The following MYBL1 variants were observed in gnomAD, a reference collection of about 807,000 sequenced individuals.
MYBL1 encodes MYB proto-oncogene like 1, also known as myb-related protein A.
Under a neutral mutation model 96.3 loss-of-function variants are expected in MYBL1, and 17 were observed. That is an observed-to-expected ratio of 0.18 (90% CI 0.12 to 0.26). The LOEUF (loss-of-function observed/expected upper bound fraction) is 0.26, where lower values mean the gene tolerates loss of function less well. Ranked by LOEUF, MYBL1 falls within the 10% of genes least tolerant of loss-of-function variation. The pLI is 1.00. For missense variants in MYBL1, 701 were observed against 882.9 expected (o/e 0.79, Z 2.61); for synonymous variants, 282 against 292.7 (o/e 0.96, Z 0.37).
At position 66,602,258 on chromosome 8, in the gene MYBL1, C is replaced by T. The variant is rs1176569792; in HGVS notation, c.126+160G>A. 3.3e-5 allele frequency among the ~76,000 whole-genome samples: 5 copies of T among 152,116 alleles called. No homozygotes were observed. In the East Asian group the frequency reaches 9.7e-4, roughly 29 times the overall value. On this transcript the variant is annotated intron_variant, in intron 2 of 15. Transcript: ENST00000522677. ...TAGAGACGGGGTTTCATCATGTTGG[C>T]CAGGCTGGTCTTGAACTCCTAACCT...
At position 66,597,362 on chromosome 8, in the gene MYBL1, A is replaced by G. The variant is rs374104244; in HGVS notation, c.480T>C (p.Arg160=). The G allele has an allele frequency of 7.3e-5, 118 of 1,607,768 alleles. No individual in the cohort carries two copies. Among genetic ancestry groups the G allele is most frequent in the Non-Finnish European group, 9.4e-5 (111 of 1,176,986 alleles). The change falls in exon 5 of 16, where the codon CGT becomes CGC. Residue 160 remains arginine, a synonymous_variant. Transcript: ENST00000522677. ...IYEAHKRLGN[R]WAEIAKLLPG... is the part of the protein sequence containing the mutation. ...GAAGTAGTTTGGCAATTTCTGCCCA[A>G]CGATTTCCCAACCGCTTATGTGCTT...
At chr8:66,577,166 A>C (rs1808990932) in intron 9 of MYBL1, among the ~76,000 whole-genome samples, 1 of 151,472 alleles carries the variant, frequency 6.6e-6, no homozygotes, top group Non-Finnish European at 1.5e-5. Context: ...GAAAACTGGC[A>C]CAAGACAGGG....
intron 1 of MYBL1, among the ~76,000 whole-genome samples, chr8:66,611,378 A>T (rs979139075): frequency 6.6e-6 from 1 of 152,226 alleles, no homozygotes; most frequent in Admixed American, 6.5e-5. Flanking sequence ...AGAGCTTTAA[A>T]TATCTATCTT....
At chr8:66,594,195 G>A (rs1318055437) in intron 6 of MYBL1, among the ~76,000 whole-genome samples, 1 of 151,492 alleles carries the variant, frequency 6.6e-6, no homozygotes. Context: ...TCTGCTTTCC[G>A]TAATGGTCTA....
chr8:66,580,202 C>G lies in MYBL1; in HGVS notation c.1032G>C (p.Glu344Asp). 1 of 1,613,962 alleles carries G rather than the reference C, an allele frequency of 6.2e-7. No homozygotes were observed. Among genetic ancestry groups the G allele is most frequent in the Non-Finnish European group, 8.5e-7 (1 of 1,179,884 alleles). Residue 344 changes from glutamate (E) to aspartate (D), a missense_variant, in exon 9 of 16, where the codon GAG becomes GAC. Around this residue, in one of 5 missense-constraint regions of MYBL1, gnomAD observed 396 missense variants for 407.4 expected, o/e 0.97. Coordinates refer to ENST00000522677, the MANE Select transcript of MYBL1 (RefSeq NM_001080416.4). ...GCAAAGAGGATAACACAGCGTTTGC[C>G]TCCACGGCCAGGAACTTTGTGGGTG... ...QNSPTKFLAV[E>D]ANAVLSSLQT...
At chr8:66,591,127 T>A (rs1809623675) in intron 8 of MYBL1, among the ~76,000 whole-genome samples, 2 of 152,108 alleles carry the variant, frequency 1.3e-5, no homozygotes, top group South Asian at 4.1e-4. Context: ...GGCAGGAGGA[T>A]CACGAGGTCA....
intron 12 of MYBL1, among the ~76,000 whole-genome samples, chr8:66,570,678 G>A (rs1325006362): frequency 6.6e-6 from 1 of 152,100 alleles, no homozygotes; most frequent in Non-Finnish European, 1.5e-5. Flanking sequence ...AATATTTGCT[G>A]AATTAATGAT....
chr8:66,599,156 G>A lies in MYBL1; in HGVS notation c.199-14C>T, dbSNP rs749977747. On this transcript the variant is annotated splice_polypyrimidine_tract_variant and intron_variant, in intron 3 of 15. Transcript: ENST00000522677. ...ATCAGAGCGATTCTGAAAAAATTTA[G>A]AAGATTTTGTTATTAAACAACTGTC... 8 of 1,547,352 alleles carry A rather than the reference G, an allele frequency of 5.2e-6. No individual in the cohort carries two copies. The African/African-American group carries it at 8.3e-5, about 16-fold the overall frequency.
At position 66,566,898 on chromosome 8, in the gene MYBL1, G is replaced by C; in HGVS notation, c.1823C>G (p.Ala608Gly). The C allele has an allele frequency of 6.2e-7, 1 of 1,612,004 alleles. No individual in the cohort carries two copies. The highest frequency in any genetic ancestry group is 8.5e-7 in the Non-Finnish European group (1 of 1,178,600). The change falls in exon 13 of 16, where the codon GCT becomes GGT. Residue 608 changes from alanine (A) to glycine (G), a missense_variant. Around this residue, in one of 5 missense-constraint regions of MYBL1, gnomAD observed 63 missense variants for 109.2 expected, o/e 0.58. Coordinates refer to ENST00000522677, the MANE Select transcript of MYBL1 (RefSeq NM_001080416.4). ...DLFLKEEDEP[A>G]YKSCKQENTA... ...TACCTCTTGTTTGCAGCTTTTGTAA[G>C]CAGGTTCATCTTCCTCTTTGAGGAA...
chr8:66,597,174 G>A (rs1446814137), intron 5 of MYBL1, among the ~76,000 whole-genome samples, 156 bp downstream of exon 5: 1 of 151,978 alleles, frequency 6.6e-6, no homozygotes, highest in Non-Finnish European at 1.5e-5. Context: ...ACAGAATTTA[G>A]TACAAATGGT....
At chr8:66,573,105 T>C (rs1250876001) in intron 11 of MYBL1, among the ~76,000 whole-genome samples, 2 of 151,920 alleles carry the variant, frequency 1.3e-5, no homozygotes, top group African/African-American at 4.8e-5. Context: ...TCCCAGCTAC[T>C]CGGGTGGCTG....
intron 11 of MYBL1, 72 bp downstream of exon 11, chr8:66,573,292 G>T: frequency 7.5e-7 from 1 of 1,324,950 alleles, no homozygotes; most frequent in Non-Finnish European, 1.0e-6. Flanking sequence ...CTATTTATAT[G>T]CACAAAAAGC....
At chr8:66,568,160 C>T (rs1184992245) in intron 12 of MYBL1, among the ~76,000 whole-genome samples, 1 of 151,870 alleles carries the variant, frequency 6.6e-6, no homozygotes, top group African/African-American at 2.4e-5. Flanking sequence ...TGAGATTTCA[C>T]AGCACTTACA....
chr8:66,610,710 C>A (rs1207900314), intron 1 of MYBL1, among the ~76,000 whole-genome samples: 1 of 152,064 alleles, frequency 6.6e-6, no homozygotes, highest in African/African-American at 2.4e-5. Flanking sequence ...AGCACAAAAG[C>A]AGAGCATCTA....
In MYBL1 at chr8:66,613,017, CGA is replaced by C. The variant is rs1411687782; in HGVS notation, c.-181_-180del. 3 of 631,030 alleles carry C rather than the reference CGA, an allele frequency of 4.8e-6. No homozygotes were observed. The highest frequency in any genetic ancestry group is 6.8e-5 in the East Asian group (2 of 29,198). The allele number at this position is 631,030 out of a possible 1,614,324, so 39.1% of individuals were successfully genotyped here. On this transcript the variant is annotated 5_prime_UTR_variant, in exon 1 of 16. Transcript: ENST00000522677. Reference sequence around the variant, plus strand: ...ACGGAGGGACAGCGGGGGCGGACCGCGACCCGACCCCGACCCCGGCCCGCAGC... The same window carrying C: ...ACGGAGGGACAGCGGGGGCGGACCGCCCCGACCCCGACCCCGGCCCGCAGC...
chr8:66,604,008 A>G (rs115272168), intron 1 of MYBL1, among the ~76,000 whole-genome samples: 3,747 of 152,274 alleles, frequency 0.025, 162 homozygotes, highest in African/African-American at 0.084. Flanking sequence ...GTTTTAAAAA[A>G]GAATAATCAG....
At chr8:66,564,931 A>C in intron 15 of MYBL1, 106 bp from the exon 16 acceptor site, 1 of 641,390 alleles carries the variant, frequency 1.6e-6, no homozygotes, top group Non-Finnish European at 2.3e-6. Flanking sequence ...TATTTTATAA[A>C]CAATAATTAT....
intron 12 of MYBL1, among the ~76,000 whole-genome samples, chr8:66,569,154 C>T (rs552662509): frequency 3.3e-5 from 5 of 152,252 alleles, no homozygotes; most frequent in South Asian, 2.1e-4. Flanking sequence ...CCTCTCTATA[C>T]GTCCACATGT....
chr8:66,573,420 G>A lies in MYBL1; in HGVS notation c.1557C>T (p.Leu519=). ...TSTPICGQKA[L]ITTPLHKETT... ...TTTCCTTATGAAGAGGAGTTGTAAT[G>A]AGAGCTTTCTGCCCACAAATAGGGG... is the stretch of plus-strand genomic sequence containing the variant. Residue 519 remains leucine, a synonymous_variant, in exon 11 of 16, where the codon CTC becomes CTT. Coordinates refer to ENST00000522677, the MANE Select transcript of MYBL1 (RefSeq NM_001080416.4). The A allele has an allele frequency of 1.9e-6, 3 of 1,612,642 alleles. No homozygotes were observed. The highest frequency in any genetic ancestry group is 2.2e-5 in the South Asian group (2 of 90,764).
Sources: gnomAD v4.1 joint callset for allele counts (sites outside exome capture counted in the v4.1 genomes callset) on GRCh38, gnomAD v4.1.1 for gene constraint, gnomAD v4.1.1 regional missense constraint, MANE v1.5 for transcripts, NCBI Gene and HGNC (gene_info 2026-07-23, HGNC 2026-07-21) for gene names.